Variants in CCDC102B observed in about 807,000 individuals in gnomAD.
CCDC102B encodes coiled-coil domain containing 102B.
A neutral mutation model predicts 57.4 loss-of-function variants in CCDC102B; 75 were observed. The ratio of observed to expected loss-of-function variants is 1.31; its 90% CI spans 1.08 to 1.58. The LOEUF is 1.58. Among genes scored for constraint, CCDC102B ranks in the 40% most tolerant of loss-of-function variants. CCDC102B has a pLI of 0.00. For synonymous variants in CCDC102B, 206 were observed against 201.9 expected (o/e 1.02, Z -0.17); for missense variants, 636 against 582.6 (o/e 1.09, Z -0.94).
chr18:68,985,763 T>C (rs1795316251), intron 6 of CCDC102B, among the ~76,000 whole-genome samples: 1 of 152,122 alleles, frequency 6.6e-6, no homozygotes, highest in South Asian at 2.1e-4. Context: ...CCCACCAGTC[T>C]TCTGCCAGCA....
intron 1 of CCDC102B, among the ~76,000 whole-genome samples, chr18:68,812,417 T>C (rs2036301286): frequency 6.6e-6 from 1 of 152,214 alleles, no homozygotes; most frequent in Non-Finnish European, 1.5e-5. Flanking sequence ...TTAGAAAATG[T>C]GGCTATATAT....
chr18:68,808,745 C>T (rs1048405651), intron 1 of CCDC102B, among the ~76,000 whole-genome samples: 21 of 151,986 alleles, frequency 1.4e-4, no homozygotes, highest in Middle Eastern at 3.4e-3. Flanking sequence ...CCCAAAGTGC[C>T]GGGATTACAG....
chr18:68,917,606 T>G (rs1207933946), intron 6 of CCDC102B, among the ~76,000 whole-genome samples: 1 of 152,186 alleles, frequency 6.6e-6, no homozygotes, highest in Non-Finnish European at 1.5e-5. Flanking sequence ...AATCGCTGTG[T>G]CCATCAATTC....
intron 7 of CCDC102B, among the ~76,000 whole-genome samples, chr18:69,026,310 A>G (rs998521323): frequency 1.3e-5 from 2 of 152,058 alleles, no homozygotes; most frequent in African/African-American, 4.8e-5. Flanking sequence ...TACTAAAAAT[A>G]CAAAAATTAG....
intron 1 of CCDC102B, among the ~76,000 whole-genome samples, chr18:68,805,310 C>T (rs555745905): frequency 6.6e-6 from 1 of 152,246 alleles, no homozygotes; most frequent in East Asian, 1.9e-4. Context: ...GTAGAGTTGG[C>T]TTGGCTACAT....
At chr18:68,989,123 C>T (rs1307262582) in intron 6 of CCDC102B, among the ~76,000 whole-genome samples, 1 of 152,178 alleles carries the variant, frequency 6.6e-6, no homozygotes, top group Non-Finnish European at 1.5e-5. Context: ...CGTATTCCAT[C>T]CTATTTTGTT....
intron 6 of CCDC102B, among the ~76,000 whole-genome samples, chr18:69,008,048 T>A (rs944886599): frequency 6.6e-6 from 1 of 152,246 alleles, no homozygotes; most frequent in Non-Finnish European, 1.5e-5. Context: ...AGGTGCGTAA[T>A]TCCGGAGAGA....
At chr18:69,013,821 A>G (rs947049865) in intron 7 of CCDC102B, among the ~76,000 whole-genome samples, 1 of 152,248 alleles carries the variant, frequency 6.6e-6, no homozygotes, top group Non-Finnish European at 1.5e-5. Context: ...TGACTTCCTG[A>G]TTGTAACAGT....
intron 6 of CCDC102B, among the ~76,000 whole-genome samples, chr18:68,944,249 G>A (rs12327360): frequency 0.31 from 47,153 of 151,800 alleles, 8,103 homozygotes; most frequent in Non-Finnish European, 0.38. Flanking sequence ...GGAAAAACAA[G>A]GCTGGGTAAT....
chr18:68,972,277 A>G (rs2050321376), intron 6 of CCDC102B, among the ~76,000 whole-genome samples: 3 of 152,182 alleles, frequency 2.0e-5, no homozygotes, highest in South Asian at 4.1e-4. Flanking sequence ...TGTTAGCAGC[A>G]GGAATCAGGC....
intron 7 of CCDC102B, among the ~76,000 whole-genome samples, chr18:69,014,995 G>GTA (rs2051625565): frequency 6.6e-6 from 1 of 151,578 alleles, no homozygotes; most frequent in African/African-American, 2.4e-5. Context: ...GTGTGTGTGT[G>GTA]TGTGTGTGAA....
chr18:68,846,432 A>C lies in CCDC102B; in HGVS notation c.936+11A>C. ...AAAAATGTGAAAGAGGTATGGGGGA[A>C]TATGATGTAAAGGAAGAAATGAAGC... On this transcript the variant is annotated intron_variant, in intron 4 of 7. Transcript: ENST00000360242. 1 of 1,478,758 alleles carries C rather than the reference A, an allele frequency of 6.8e-7. No homozygotes were observed. Among genetic ancestry groups the C allele is most frequent in the Non-Finnish European group, 9.2e-7 (1 of 1,084,542 alleles). 91.6% of individuals were successfully genotyped at this position (1,478,758 alleles called of 1,614,324 possible).
chr18:68,952,539 G>C (rs753679682), intron 6 of CCDC102B, among the ~76,000 whole-genome samples: 3 of 152,090 alleles, frequency 2.0e-5, no homozygotes, highest in Admixed American at 1.3e-4. Context: ...GCTAAGTGAA[G>C]ATGATCTGCC....
intron 2 of CCDC102B, among the ~76,000 whole-genome samples, chr18:68,837,848 C>T (rs1189807477): frequency 3.3e-5 from 5 of 152,132 alleles, no homozygotes; most frequent in South Asian, 2.1e-4. Context: ...CAATACTTTC[C>T]GTGAACAACA....
chr18:68,755,738 A>G (rs2034025210), intron 2 of CCDC102B, among the ~76,000 whole-genome samples: 1 of 151,766 alleles, frequency 6.6e-6, no homozygotes. Context: ...ACAAAATTGT[A>G]TTAATGATCA....
intron 2 of CCDC102B, among the ~76,000 whole-genome samples, chr18:68,723,778 C>G (rs921466363): frequency 6.6e-6 from 1 of 152,186 alleles, no homozygotes; most frequent in African/African-American, 2.4e-5. Context: ...TGTGGCTTTT[C>G]CAGCTGCGTG....
chr18:68,801,946 T>C (rs191296550), intron 1 of CCDC102B, among the ~76,000 whole-genome samples: 16 of 152,252 alleles, frequency 1.1e-4, no homozygotes, highest in Admixed American at 9.8e-4. Flanking sequence ...TTTTCTATCT[T>C]CTTTTGACAT....
At chr18:68,886,827 T>C (rs1471752488) in intron 5 of CCDC102B, among the ~76,000 whole-genome samples, 2 of 152,060 alleles carry the variant, frequency 1.3e-5, no homozygotes, top group Non-Finnish European at 2.9e-5. Flanking sequence ...ATTCCATGCA[T>C]CTAGTTTGAC....
chr18:69,011,213 T>C (rs757232444), intron 7 of CCDC102B, 109 bp downstream of exon 7: 48 of 964,210 alleles, frequency 5.0e-5, no homozygotes, highest in Non-Finnish European at 6.6e-5. Flanking sequence ...GATATAAATA[T>C]TCATATCTTA....
Sources: gnomAD v4.1 joint callset for allele counts (sites outside exome capture counted in the v4.1 genomes callset) on GRCh38, gnomAD v4.1.1 for gene constraint, MANE v1.5 for transcripts, NCBI Gene and HGNC (gene_info 2026-07-23, HGNC 2026-07-21) for gene names.